Variants in HIVEP3 observed in about 807,000 individuals in gnomAD.
The protein encoded by HIVEP3 is transcription factor HIVEP3.
In HIVEP3, 49 loss-of-function variants were observed where a neutral mutation model predicts 152.8. That is an observed-to-expected ratio of 0.32 (90% CI 0.26 to 0.41). HIVEP3 has a LOEUF of 0.41. HIVEP3 is among the 10% of genes least tolerant of loss of function. The probability of loss-of-function intolerance (pLI) is 1.00; values close to 1 mark genes in which losing one functional copy is unlikely to be tolerated. For synonymous variants in HIVEP3, 1,269 were observed against 1,289.0 expected, an observed-to-expected ratio of 0.98 and a Z score of 0.33; for missense variants, 2,790 against 3,103.3, an observed-to-expected ratio of 0.90 and a Z score of 2.40.
intron 5 of HIVEP3, among the ~76,000 whole-genome samples, chr1:41,557,638 C>T (rs987409841): frequency 4.0e-5 from 6 of 151,862 alleles, no homozygotes; most frequent in Non-Finnish European, 8.8e-5. Context: ...GGGCAGGGAA[C>T]CCAACCTGTG....
chr1:41,668,983 T>C (rs1032067713), intron 2 of HIVEP3, among the ~76,000 whole-genome samples: 8 of 152,134 alleles, frequency 5.3e-5, no homozygotes, highest in African/African-American at 1.9e-4. Flanking sequence ...CAGCCTCTGC[T>C]ACTCTGCCTG....
chr1:41,583,199 G>C lies in HIVEP3; in HGVS notation c.1599C>G (p.Pro533=), dbSNP rs368772313. Residue 533 remains proline (P), a synonymous_variant, in exon 4 of 9, where the codon CCC becomes CCG. Transcript: ENST00000372583. This position sits in a 1 kb window ranked among gnomAD's most constrained non-coding sequence, Gnocchi z 6.9. ...AGTGGCTTCTCAGGAGAGGCACAGG[G>C]GGGGCGGTACTGGGCGGGTGCTGGA... ...LSLQHPPSTA[P]PVPLLRSHSM... 5 of 1,611,254 alleles carry C rather than the reference G, an allele frequency of 3.1e-6. No homozygotes were observed. The Admixed American group carries it at 5.0e-5, about 16-fold the overall frequency.
chr1:41,726,423 G>A (rs902381198), intron 1 of HIVEP3, among the ~76,000 whole-genome samples: 1 of 152,230 alleles, frequency 6.6e-6, no homozygotes, highest in African/African-American at 2.4e-5. Flanking sequence ...AGCTGTTACA[G>A]ATTTTGTAGA....
At chr1:41,839,973 G>C (rs1047226218) in intron 1 of HIVEP3, among the ~76,000 whole-genome samples, 2 of 152,138 alleles carry the variant, frequency 1.3e-5, no homozygotes, top group Non-Finnish European at 2.9e-5. Flanking sequence ...TTAAAACCCA[G>C]GTCCTTAGCC....
intron 1 of HIVEP3, among the ~76,000 whole-genome samples, chr1:41,970,746 T>C (rs918304401): frequency 6.6e-6 from 1 of 152,102 alleles, no homozygotes; most frequent in South Asian, 2.1e-4. Context: ...CCTAATCCAG[T>C]ATGATTGATG....
intron 1 of HIVEP3, among the ~76,000 whole-genome samples, chr1:41,977,255 G>A (rs1645265041): frequency 6.6e-6 from 1 of 152,068 alleles, no homozygotes; most frequent in Non-Finnish European, 1.5e-5. Flanking sequence ...GTAGATGAAG[G>A]GTTAGGATGA....
chr1:41,721,327 C>T (rs1221120740), intron 1 of HIVEP3, among the ~76,000 whole-genome samples: 2 of 152,028 alleles, frequency 1.3e-5, no homozygotes, highest in Admixed American at 1.3e-4. Context: ...CCTGTCTCAG[C>T]CCCGAGTAGG....
rs398089245 is a variant in HIVEP3, at chr1:41,998,880, TC to T, written n.119+36926del. Among the ~76,000 whole-genome samples the T allele has an allele frequency of 5.1e-3, 523 of 102,484 alleles. 12 individuals are homozygous for T. The highest frequency in any genetic ancestry group is 0.02 in the African/African-American group (491 of 24,780). 67.2% of individuals were successfully genotyped at this position (102,484 alleles called of 152,430 possible). ...CATTTTTGCTGGTTTTTAATACTTT[TC>T]TCTCTCTCTTTTTTTTTTTTTTTTT... On this transcript the variant is annotated intron_variant and non_coding_transcript_variant, in intron 1 of 3. Coordinates refer to the HIVEP3 transcript ENST00000489103.
chr1:41,728,297 C>A (rs551185055), intron 1 of HIVEP3, among the ~76,000 whole-genome samples: 2 of 152,258 alleles, frequency 1.3e-5, no homozygotes, highest in South Asian at 4.1e-4. Context: ...TAAATGAGAC[C>A]ACACTCAATC....
At chr1:41,915,596 T>C (rs940642231) in intron 1 of HIVEP3, among the ~76,000 whole-genome samples, 3 of 152,248 alleles carry the variant, frequency 2.0e-5, no homozygotes, top group Non-Finnish European at 2.9e-5. Flanking sequence ...CATGGACTTA[T>C]GACCTTTCTC....
At chr1:41,964,028 G>A (rs563378298) in intron 1 of HIVEP3, among the ~76,000 whole-genome samples, 3 of 152,270 alleles carry the variant, frequency 2.0e-5, no homozygotes, top group African/African-American at 7.2e-5. Flanking sequence ...CCTTCCTAAC[G>A]CCCAGTCGTT....
intron 1 of HIVEP3, among the ~76,000 whole-genome samples, chr1:41,765,994 C>A (rs1200804361): frequency 6.6e-6 from 1 of 152,234 alleles, no homozygotes; most frequent in Non-Finnish European, 1.5e-5. Context: ...GCACTGATAA[C>A]TATTTGCTGC....
chr1:42,007,726 T>C (rs3856258), intron 1 of HIVEP3, among the ~76,000 whole-genome samples: 108,447 of 152,038 alleles, frequency 0.71, 39,122 homozygotes, highest in East Asian at 0.96. Flanking sequence ...TTCTCAGCTT[T>C]GTCGGTGCCA....
intron 1 of HIVEP3, among the ~76,000 whole-genome samples, chr1:41,799,718 A>T (rs915257977): frequency 1.3e-5 from 2 of 152,168 alleles, no homozygotes; most frequent in African/African-American, 4.8e-5. Flanking sequence ...GATCAAAAAA[A>T]TCCTAAATTC....
At chr1:42,005,688 G>A (rs563019915) in intron 1 of HIVEP3, among the ~76,000 whole-genome samples, 6 of 152,254 alleles carry the variant, frequency 3.9e-5, no homozygotes, top group African/African-American at 1.2e-4. Context: ...GTAAGTTGCT[G>A]GAATTGCACT....
Position 41,510,582 on chromosome 1 carries a change from G to A in HIVEP3, c.7090C>T (p.Arg2364Cys), listed in dbSNP as rs370392307. 9.9e-5 allele frequency: 154 copies of A among 1,559,258 alleles called. No homozygotes were observed. In the East Asian group the frequency reaches 1.2e-3, roughly 12 times the overall value. The change falls in exon 9 of 9, where the codon CGC becomes TGC. Residue 2364 changes from arginine (R) to cysteine (C), a missense_variant. Physicochemically the swap from Arg to Cys is radical, Grantham distance 180. This residue lies in a region of HIVEP3 where 816 missense variants were observed against 806.5 expected (regional missense o/e 1.01). Coordinates refer to ENST00000372583, the MANE Select transcript of HIVEP3 (RefSeq NM_024503.5). Reference protein sequence around the residue: ...SVGCLAEASARFPARTRNLSG... With the variant: ...SVGCLAEASACFPARTRNLSG... ...AGGTTCCTCGTCCGGGCTGGGAAGC[G>A]GGCAGAGGCCTCTGCCAGGCAGCCC...
chr1:41,593,867 G>A (rs554071765), intron 3 of HIVEP3, among the ~76,000 whole-genome samples: 1 of 152,274 alleles, frequency 6.6e-6, no homozygotes, highest in African/African-American at 2.4e-5. Context: ...TTTCTTTCTG[G>A]GGGCCCTAGA....
rs1012438976 is a variant in HIVEP3, at chr1:41,767,534, G to A, written c.-800-66539C>T. Reference sequence around the variant, plus strand: ...AGTTCTGATACTGGAGAGTTCCAGGGTCCTTCTGCAGCCCTGCCTTTGTCC... The same window carrying A: ...AGTTCTGATACTGGAGAGTTCCAGGATCCTTCTGCAGCCCTGCCTTTGTCC... On this transcript the variant is annotated intron_variant, in intron 1 of 8. Transcript: ENST00000372583. Among the ~76,000 whole-genome samples, 33 of 152,292 alleles carry A rather than the reference G, an allele frequency of 2.2e-4. 1 individual carries two copies. Among genetic ancestry groups the A allele is most frequent in the Admixed American group, 1.8e-3 (28 of 15,292 alleles).
intron 3 of HIVEP3, among the ~76,000 whole-genome samples, 184 bp downstream of exon 3, chr1:41,628,565 C>T (rs534139918): frequency 6.6e-6 from 1 of 152,308 alleles, no homozygotes; most frequent in African/African-American, 2.4e-5. Context: ...CACTCAAGGT[C>T]TCTACTCCTG....
Sources: gnomAD v4.1 joint callset for allele counts (sites outside exome capture counted in the v4.1 genomes callset) on GRCh38, gnomAD v4.1.1 for gene constraint, gnomAD v4.1.1 regional missense constraint, Gnocchi (gnomAD v3.1) non-coding constraint, MANE v1.5 for transcripts, NCBI Gene and HGNC (gene_info 2026-07-23, HGNC 2026-07-21) for gene names.